The following TNRC6A variants were observed in gnomAD, a reference collection of about 807,000 sequenced individuals.
The protein encoded by TNRC6A is trinucleotide repeat-containing gene 6A protein.
TNRC6A carries 44 observed loss-of-function variants against 221.2 expected under a neutral mutation model. That is an observed-to-expected ratio of 0.20 (90% CI 0.16 to 0.26). The LOEUF is 0.26. Among genes scored for constraint, TNRC6A ranks in the 10% least tolerant of loss-of-function variants. The pLI is 1.00. For missense variants in TNRC6A, 2,199 were observed against 2,404.4 expected (o/e 0.91, Z 1.79); for synonymous variants, 847 against 838.5 (o/e 1.01, Z -0.18).
At chr16:24,684,288 C>T (rs1410974550) in intron 2 of TNRC6A, among the ~76,000 whole-genome samples, 3 of 151,710 alleles carry the variant, frequency 2.0e-5, no homozygotes, top group African/African-American at 7.3e-5. Context: ...ACGTGGGGTC[C>T]CAGCTACTTG....
chr16:24,805,210 T>C, intron 14 of TNRC6A, 59 bp downstream of exon 14: 1 of 1,593,664 alleles, frequency 6.3e-7, no homozygotes, highest in Non-Finnish European at 8.6e-7. Context: ...TGCATGATTT[T>C]GTATTTGAAT....
intron 22 of TNRC6A, chr16:24,821,701 A>T (rs1263185721): frequency 5.3e-6 from 1 of 188,484 alleles, no homozygotes; most frequent in Non-Finnish European, 1.1e-5. Context: ...TTAAAGCTTC[A>T]TGCCCTGAAG....
intron 11 of TNRC6A, among the ~76,000 whole-genome samples, chr16:24,799,680 T>C (rs1454272736): frequency 6.6e-6 from 1 of 152,218 alleles, no homozygotes; most frequent in African/African-American, 2.4e-5. Flanking sequence ...TCTACTACCA[T>C]TGTTATTTCT....
chr16:24,806,190 G>C lies in TNRC6A; in HGVS notation c.4252-16G>C, dbSNP rs767742201. On this transcript the variant is annotated splice_polypyrimidine_tract_variant and intron_variant, in intron 15 of 24. Coordinates refer to ENST00000395799, the MANE Select transcript of TNRC6A (RefSeq NM_014494.4). Reference sequence around the variant, plus strand: ...ATGGTGTGATAGTAACAACCTTTTCGCTATCTTTCCTCTAGCGATTGTTAG... The same window carrying C: ...ATGGTGTGATAGTAACAACCTTTTCCCTATCTTTCCTCTAGCGATTGTTAG... 4 of 1,613,290 alleles carry C rather than the reference G, an allele frequency of 2.5e-6. No homozygotes were observed. In the South Asian group the frequency reaches 3.3e-5, roughly 13 times the overall value.
chr16:24,805,107 C>A lies in TNRC6A; in HGVS notation c.4078C>A (p.Pro1360Thr). The change falls in exon 14 of 25, where the codon CCT becomes ACT. Residue 1360 changes from proline (P) to threonine (T), a missense_variant. Transcript: ENST00000395799. ...PPAQPLSSSQPNLRAQVPPPL... is the reference protein window; with the variant it reads ...PPAQPLSSSQTNLRAQVPPPL... ...AGCACAACCTCTTAGTTCATCTCAG[C>A]CTAATCTCCGTGCTCAAGTGCCTCC... 6.2e-7 allele frequency: 1 copy of A among 1,614,160 alleles called. No individual in the cohort carries two copies. The highest frequency in any genetic ancestry group is 2.2e-5 in the East Asian group (1 of 44,882).
intron 12 of TNRC6A, 160 bp from the exon 13 acceptor site, chr16:24,804,545 G>GTGTGCTCTAGAAT: frequency 8.2e-7 from 1 of 1,219,176 alleles, no homozygotes; most frequent in Non-Finnish European, 1.1e-6. Flanking sequence ...GGCTCTTTTT[G>GTGTGCTCTAGAAT]TGTGCTCTAG....
At chr16:24,701,389 G>A (rs1233109159) in intron 2 of TNRC6A, among the ~76,000 whole-genome samples, 3 of 147,884 alleles carry the variant, frequency 2.0e-5, no homozygotes, top group African/African-American at 2.5e-5. Context: ...TTTTTGAGAC[G>A]GAGTCTCGCT....
At chr16:24,699,049 C>T (rs991502215) in intron 2 of TNRC6A, among the ~76,000 whole-genome samples, 9 of 152,098 alleles carry the variant, frequency 5.9e-5, no homozygotes, top group Non-Finnish European at 1.2e-4. Flanking sequence ...ACCTACAGAG[C>T]GGGTATTGAA....
chr16:24,707,012 T>TTTATTTA, intron 2 of TNRC6A, among the ~76,000 whole-genome samples: 1 of 151,514 alleles, frequency 6.6e-6, no homozygotes, highest in African/African-American at 2.4e-5. Flanking sequence ...TATTTATTTA[T>TTTATTTA]TTTGAGACAG....
At chr16:24,664,373 GTAT>G (rs903477927) in intron 2 of TNRC6A, among the ~76,000 whole-genome samples, 3 of 144,424 alleles carry the variant, frequency 2.1e-5, no homozygotes, top group African/African-American at 7.6e-5. Context: ...TATTTATTAT[GTAT>G]TATTAATTTA....
At chr16:24,818,508 G>A (rs1051230541) in intron 20 of TNRC6A, 85 bp from the exon 21 acceptor site, 10 of 1,028,654 alleles carry the variant, frequency 9.7e-6, no homozygotes, top group East Asian at 2.5e-5. Context: ...CATACTGTTA[G>A]CTTTGATTTC....
chr16:24,625,737 C>CAAAA (rs749882396), intron 1 of TNRC6A, among the ~76,000 whole-genome samples: 25 of 24,030 alleles, frequency 1.0e-3, no homozygotes, highest in Non-Finnish European at 1.4e-3. Flanking sequence ...CGTCTCAAAA[C>CAAAA]AAAAAAAAAA....
At chr16:24,734,940 G>A (rs1297940554) in intron 2 of TNRC6A, among the ~76,000 whole-genome samples, 1 of 152,108 alleles carries the variant, frequency 6.6e-6, no homozygotes, top group Non-Finnish European at 1.5e-5. Context: ...ATCTAAACTG[G>A]GACACTTATC....
chr16:24,670,971 A>G (rs1356615437), intron 2 of TNRC6A: 1 of 406,938 alleles, frequency 2.5e-6, no homozygotes, highest in Non-Finnish European at 5.0e-6. Context: ...CATCGTAATT[A>G]GCATCTGGCC....
At chr16:24,738,149 G>C (rs1270529505) in intron 2 of TNRC6A, among the ~76,000 whole-genome samples, 2 of 152,124 alleles carry the variant, frequency 1.3e-5, no homozygotes, top group Non-Finnish European at 2.9e-5. Flanking sequence ...AGTGACTCTG[G>C]AATTAAAGCC....
At chr16:24,619,395 T>G (rs1422683958) in intron 1 of TNRC6A, among the ~76,000 whole-genome samples, 1 of 152,146 alleles carries the variant, frequency 6.6e-6, no homozygotes, top group Admixed American at 6.5e-5. Flanking sequence ...GAGAATAACA[T>G]TTGAAGGTAA....
In TNRC6A at chr16:24,729,672, G is replaced by GCGGCGGCGGTGT. The variant is rs1221579955; in HGVS notation, c.-160_-149dup. On this transcript the variant is annotated 5_prime_UTR_variant, in exon 1 of 25. Transcript: ENST00000395799. The stretch of plus-strand genomic sequence containing the variant: ...ATTCACTTCCGGTCTGGGGCCTGCG[G>GCGGCGGCGGTGT]CGGCGGCGGTGTCGGCGGCGGCGGC... 38 of 701,114 alleles carry GCGGCGGCGGTGT rather than the reference G, an allele frequency of 5.4e-5. No individual in the cohort carries two copies. The highest frequency in any genetic ancestry group is 4.6e-4 in the Middle Eastern group (1 of 2,158). The allele number at this position is 701,114 out of a possible 1,614,324, so 43.4% of individuals were successfully genotyped here. A position where few individuals can be genotyped will look rare whatever the true frequency, so the allele number is the denominator to read the frequency against.
Position 24,823,658 on chromosome 16 carries a change from C to G in TNRC6A, c.5740C>G (p.His1914Asp). Residue 1914 changes from histidine (H) to aspartate (D), a missense_variant, in exon 25 of 25, where the codon CAC becomes GAC. His to Asp is a moderately conservative substitution (Grantham distance 81). Coordinates refer to ENST00000395799, the MANE Select transcript of TNRC6A (RefSeq NM_014494.4). The surrounding 1 kb of genome is among the most constrained non-coding windows in gnomAD (Gnocchi z 4.3). ...GTCGGGAACTAACTGTGGAGACCTTCACGGCACTTCACTCTGGGGGACCCC... is the reference window on the plus strand; with the variant it reads ...GTCGGGAACTAACTGTGGAGACCTTGACGGCACTTCACTCTGGGGGACCCC... Reference protein sequence around the residue: ...GLSGTNCGDLHGTSLWGTPHY... With the variant: ...GLSGTNCGDLDGTSLWGTPHY... 6.2e-7 allele frequency: 1 copy of G among 1,612,408 alleles called. No individual in the cohort carries two copies. Among genetic ancestry groups the G allele is most frequent in the Non-Finnish European group, 8.5e-7 (1 of 1,178,868 alleles).
At position 24,804,822 on chromosome 16, in the gene TNRC6A, G is replaced by A. The variant is rs922838522; in HGVS notation, c.3955G>A (p.Gly1319Ser). 3 of 1,612,628 alleles carry A rather than the reference G, an allele frequency of 1.9e-6. No individual in the cohort carries two copies. In the East Asian group the frequency reaches 6.7e-5, roughly 36 times the overall value. The change falls in exon 13 of 25, where the codon GGT (glycine) becomes AGT (serine). Residue 1319 changes from glycine (G) to serine (S), a missense_variant. By Grantham distance (56) the Gly-to-Ser change is moderately conservative. This residue lies in a region of TNRC6A where 449 missense variants were observed against 579.7 expected (regional missense o/e 0.77). Transcript: ENST00000395799. ...GGCCCTTGGCTCCATAGCAGGGCTGGGTATGCAAAACTTGAATTCTGTTAG... is the reference window on the plus strand; with the variant it reads ...GGCCCTTGGCTCCATAGCAGGGCTGAGTATGCAAAACTTGAATTCTGTTAG... ...NQALGSIAGL[G>S]MQNLNSVRQN... is the part of the protein sequence containing the mutation.
Sources: gnomAD v4.1 joint callset for allele counts (sites outside exome capture counted in the v4.1 genomes callset) on GRCh38, gnomAD v4.1.1 for gene constraint, gnomAD v4.1.1 regional missense constraint, Gnocchi (gnomAD v3.1) non-coding constraint, MANE v1.5 for transcripts, NCBI Gene and HGNC (gene_info 2026-07-23, HGNC 2026-07-21) for gene names.